Variants in APOH observed in about 807,000 individuals in gnomAD.
APOH encodes apolipoprotein H.
In APOH, 48 loss-of-function variants were observed where a neutral mutation model predicts 39.8. The ratio of observed to expected loss-of-function variants is 1.21; its 90% CI spans 0.96 to 1.54. The LOEUF (loss-of-function observed/expected upper bound fraction) is 1.54. APOH is among the 40% of genes most tolerant of loss of function. The probability of loss-of-function intolerance (pLI) is 0.00; values close to 1 mark genes in which losing one functional copy is unlikely to be tolerated. For missense variants in APOH, 415 were observed against 421.2 expected, an observed-to-expected ratio of 0.99 and a Z score of 0.13; for synonymous variants, 153 against 151.1, an observed-to-expected ratio of 1.01 and a Z score of -0.09.
intron 4 of APOH, 148 bp from the exon 5 acceptor site, chr17:66,220,890 G>T: frequency 1.2e-6 from 1 of 845,012 alleles, no homozygotes; most frequent in Non-Finnish European, 1.8e-6. Flanking sequence ...AATTGTGGAT[G>T]CCTAATAGGA....
At position 66,223,717 on chromosome 17, in the gene APOH, C is replaced by T. The variant is rs2302377; in HGVS notation, c.396G>A (p.Pro132=). 1,742 of 1,614,124 alleles carry T rather than the reference C, an allele frequency of 1.1e-3. 19 individuals are homozygous for T. The East Asian group carries it at 0.027, about 25-fold the overall frequency. Residue 132 remains proline, a synonymous_variant, in exon 4 of 8, where the codon CCG becomes CCA. Transcript: ENST00000205948. ...ACTTACGAGCACAGACAGGAAGCTC[C>T]GGGCTCCATTTTCCTTCCTCAGTGC... ...AKCTEEGKWS[P]ELPVCAPIIC... is the part of the protein sequence containing the mutation.
In APOH at chr17:66,220,759, C is replaced by A; in HGVS notation, c.416-17G>T. ...AGATGATGGCTGGGAAAATAAAGAA[C>A]TATCATTTCTATGAAAATAGTTAAG... On this transcript the variant is annotated splice_polypyrimidine_tract_variant and intron_variant, in intron 4 of 7. Coordinates refer to ENST00000205948, the MANE Select transcript of APOH (RefSeq NM_000042.3). 1.9e-6 allele frequency: 3 copies of A among 1,585,672 alleles called. No individual in the cohort carries two copies. Among genetic ancestry groups the A allele is most frequent in the Non-Finnish European group, 2.6e-6 (3 of 1,161,252 alleles).
At chr17:66,226,780 A>G (rs2073442127) in intron 2 of APOH, among the ~76,000 whole-genome samples, 1 of 152,242 alleles carries the variant, frequency 6.6e-6, no homozygotes, top group Non-Finnish European at 1.5e-5. Flanking sequence ...AAACAGAAAA[A>G]TACAAAATTA....
chr17:66,220,017 C>T (rs1047328588), intron 5 of APOH, among the ~76,000 whole-genome samples: 4 of 152,150 alleles, frequency 2.6e-5, no homozygotes, highest in African/African-American at 9.7e-5. Context: ...AAGTTAGAGA[C>T]GAAATAATTT....
chr17:66,217,352 C>CCA (rs1203471204), intron 5 of APOH, among the ~76,000 whole-genome samples: 1 of 145,966 alleles, frequency 6.9e-6, no homozygotes, highest in Non-Finnish European at 1.5e-5. Context: ...GAACCCCCCC[C>CCA]CCCATTCACA....
intron 4 of APOH, 145 bp downstream of exon 4, chr17:66,223,553 C>T: frequency 1.4e-6 from 1 of 701,324 alleles, no homozygotes; most frequent in Non-Finnish European, 2.5e-6. Context: ...TCTTCTAGAG[C>T]AAGATACCAG....
chr17:66,222,883 T>A (rs1598552742), intron 4 of APOH, among the ~76,000 whole-genome samples: 1 of 152,192 alleles, frequency 6.6e-6, no homozygotes, highest in African/African-American at 2.4e-5. Context: ...CTCTTGCTTT[T>A]GCTAAAGACA....
chr17:66,226,754 T>G (rs1375600460), intron 2 of APOH, among the ~76,000 whole-genome samples: 1 of 152,218 alleles, frequency 6.6e-6, no homozygotes, highest in Non-Finnish European at 1.5e-5. Flanking sequence ...ATACAATTTT[T>G]ATGATATGCT....
chr17:66,222,650 C>T (rs2146996549), intron 4 of APOH, among the ~76,000 whole-genome samples: 1 of 142,746 alleles, frequency 7.0e-6, no homozygotes, highest in South Asian at 2.2e-4. Context: ...CAGCTCACTG[C>T]AACCTCCGCC....
chr17:66,224,475 A>AC (rs2073422170), intron 3 of APOH, among the ~76,000 whole-genome samples: 1 of 132,340 alleles, frequency 7.6e-6, no homozygotes, highest in South Asian at 2.3e-4. Context: ...TCCTGTAAAA[A>AC]AAAAAAAAAA....
chr17:66,218,950 C>T (rs1438454262), intron 5 of APOH, among the ~76,000 whole-genome samples: 1 of 152,020 alleles, frequency 6.6e-6, no homozygotes, highest in African/African-American at 2.4e-5. Flanking sequence ...GTAGATGTTG[C>T]AGTGAGCCAA....
chr17:66,220,552 AC>A lies in APOH; in HGVS notation c.604+1del, dbSNP rs1253727668. On this transcript the variant is annotated splice_donor_variant, in intron 5 of 7. Coordinates refer to ENST00000205948, the MANE Select transcript of APOH (RefSeq NM_000042.3). LOFTEE classifies it high-confidence loss of function. ...CGTATTTTGTCTGATCATTGCACTT[AC>A]CCCTGCATTCTGGTAATTTAGTCCA... The A allele has an allele frequency of 1.2e-6, 2 of 1,613,506 alleles. No homozygotes were observed. Among genetic ancestry groups the A allele is most frequent in the South Asian group, 2.2e-5 (2 of 91,060 alleles).
intron 4 of APOH, among the ~76,000 whole-genome samples, chr17:66,221,370 G>GGGGAGGGA (rs542630662): frequency 5.1e-5 from 2 of 39,426 alleles, no homozygotes; most frequent in African/African-American, 2.4e-4. Context: ...GGGGAGGGGA[G>GGGGAGGGA]GGGAGGGAGG....
chr17:66,227,232 T>C (rs918249559), intron 2 of APOH, among the ~76,000 whole-genome samples: 13 of 152,294 alleles, frequency 8.5e-5, no homozygotes, highest in Admixed American at 5.9e-4. Context: ...GGCTTTTTAC[T>C]AAAAATTATG....
chr17:66,214,352 C>G (rs1483080514), intron 7 of APOH, 101 bp downstream of exon 7: 1 of 1,173,352 alleles, frequency 8.5e-7, no homozygotes, highest in South Asian at 1.3e-5. Context: ...ACCCACCGCA[C>G]CTGGCCTCAT....
intron 5 of APOH, 112 bp downstream of exon 5, chr17:66,220,442 C>T (rs1056901000): frequency 3.0e-6 from 3 of 1,010,288 alleles, no homozygotes; most frequent in Non-Finnish European, 3.0e-6. Flanking sequence ...GCTCAATAAA[C>T]AGCTGTTGAA....
At position 66,228,203 on chromosome 17, in the gene APOH, G is replaced by C; in HGVS notation, c.65-7C>G. On this transcript the variant is annotated splice_region_variant and splice_polypyrimidine_tract_variant and intron_variant, in intron 1 of 7. Transcript: ENST00000205948. ...TCATCTGGCTTGGGACAGGCTGAAA[G>C]AGGGCACAAAGCAGATGGTTAACAA... 6.2e-7 allele frequency: 1 copy of C among 1,611,778 alleles called. No homozygotes were observed. The highest frequency in any genetic ancestry group is 8.5e-7 in the Non-Finnish European group (1 of 1,178,580).
chr17:66,220,779 G>A (rs368971949), intron 4 of APOH, 37 bp from the exon 5 acceptor site: 185 of 1,545,318 alleles, frequency 1.2e-4, no homozygotes, highest in Admixed American at 2.0e-4. Flanking sequence ...TATGAAAATA[G>A]TTAAGGCTTT....
intron 7 of APOH, among the ~76,000 whole-genome samples, chr17:66,213,539 A>G (rs116415065): frequency 1.0e-3 from 152 of 152,264 alleles, no homozygotes; most frequent in African/African-American, 3.4e-3. Flanking sequence ...TTATTATTCA[A>G]TATTTGGTTC....
Sources: allele counts gnomAD v4.1 joint callset (sites outside exome capture counted in the v4.1 genomes callset), GRCh38; gene constraint gnomAD v4.1.1; transcripts MANE v1.5; gene names NCBI Gene and HGNC (gene_info 2026-07-23, HGNC 2026-07-21).